The following LIN28B variants were observed in gnomAD, a reference collection of about 807,000 sequenced individuals.
The protein encoded by LIN28B is lin-28 RNA binding posttranscriptional regulator B, also known as protein lin-28 homolog B.
A neutral mutation model predicts 21.9 loss-of-function variants in LIN28B; 5 were observed. That is an observed-to-expected ratio of 0.23 (90% CI 0.12 to 0.48). The LOEUF (loss-of-function observed/expected upper bound fraction) is 0.48. Among genes scored for constraint, LIN28B ranks in the 20% least tolerant of loss-of-function variants. LIN28B has a pLI of 0.98. For missense variants in LIN28B, 245 were observed against 310.5 expected, an observed-to-expected ratio of 0.79 and a Z score of 1.58; for synonymous variants, 109 against 111.3, an observed-to-expected ratio of 0.98 and a Z score of 0.13.
intron 2 of LIN28B, among the ~76,000 whole-genome samples, chr6:105,007,170 T>C (rs144351705): frequency 5.9e-5 from 9 of 152,362 alleles, no homozygotes; most frequent in African/African-American, 1.9e-4. Flanking sequence ...TAAGTAAATA[T>C]ACTGTTAATG....
chr6:104,939,012 TTAAA>T (rs796561449), intron 2 of LIN28B, among the ~76,000 whole-genome samples: 26 of 152,276 alleles, frequency 1.7e-4, no homozygotes, highest in African/African-American at 6.3e-4. Context: ...TACATCACAC[TTAAA>T]TGCTGAAAGG....
At chr6:104,949,744 A>T (rs953443960) in intron 2 of LIN28B, among the ~76,000 whole-genome samples, 2 of 152,106 alleles carry the variant, frequency 1.3e-5, no homozygotes, top group Non-Finnish European at 2.9e-5. Flanking sequence ...TCTTCCAATC[A>T]CTATACTTGA....
At chr6:104,986,858 C>G (rs1390528121) in intron 2 of LIN28B, among the ~76,000 whole-genome samples, 1 of 152,202 alleles carries the variant, frequency 6.6e-6, no homozygotes, top group Non-Finnish European at 1.5e-5. Flanking sequence ...GCCTACTACC[C>G]TCATTTACAA....
At chr6:104,979,607 G>A in intron 2 of LIN28B, among the ~76,000 whole-genome samples, 1 of 151,236 alleles carries the variant, frequency 6.6e-6, no homozygotes, top group East Asian at 1.9e-4. Flanking sequence ...AAAAAAAGCT[G>A]TTTCTGAATC....
intron 2 of LIN28B, among the ~76,000 whole-genome samples, chr6:105,000,243 T>TA (rs1345328069): frequency 2.6e-5 from 4 of 152,040 alleles, no homozygotes; most frequent in Admixed American, 2.6e-4. Context: ...GAGCCATGTT[T>TA]AAAAAAACAG....
chr6:104,992,877 T>G, intron 2 of LIN28B, among the ~76,000 whole-genome samples: 1 of 152,130 alleles, frequency 6.6e-6, no homozygotes, highest in Non-Finnish European at 1.5e-5. Flanking sequence ...TCAAAATTTT[T>G]TTTAGTGGTG....
chr6:104,975,488 CTGGT>C (rs2114596900), intron 2 of LIN28B, among the ~76,000 whole-genome samples: 1 of 152,274 alleles, frequency 6.6e-6, no homozygotes, highest in East Asian at 1.9e-4. Flanking sequence ...TCCAAAGCCA[CTGGT>C]TTAACTTCTC....
chr6:104,949,343 G>A (rs1369452138), intron 2 of LIN28B, among the ~76,000 whole-genome samples: 3 of 152,158 alleles, frequency 2.0e-5, no homozygotes. Flanking sequence ...TCTTTTGGTT[G>A]TAAACACAGG....
Position 105,079,946 on chromosome 6 carries a change from G to A in LIN28B, c.*1163G>A, listed in dbSNP as rs956362507. The A allele has an allele frequency of 2.0e-5, 3 of 152,212 alleles. No individual in the cohort carries two copies. The highest frequency in any genetic ancestry group is 4.4e-5 in the Non-Finnish European group (3 of 68,052). The allele number at this position is 152,212 out of a possible 1,614,324, so 9.4% of individuals were successfully genotyped here. A position where few individuals can be genotyped will look rare whatever the true frequency, so the allele number is the denominator to read the frequency against. Reference sequence around the variant, plus strand: ...TGACCTGCAAATGATACGAAAAAGTGCAGCATTTAGTGGCAGTTAACAAGA... The same window carrying A: ...TGACCTGCAAATGATACGAAAAAGTACAGCATTTAGTGGCAGTTAACAAGA... On this transcript the variant is annotated 3_prime_UTR_variant, in exon 4 of 4. Coordinates refer to ENST00000345080, the MANE Select transcript of LIN28B (RefSeq NM_001004317.4).
At chr6:104,971,578 TTAAG>T (rs1183197540) in intron 2 of LIN28B, among the ~76,000 whole-genome samples, 2 of 152,172 alleles carry the variant, frequency 1.3e-5, no homozygotes, top group African/African-American at 2.4e-5. Context: ...GAAAGGCTAC[TTAAG>T]TTTCTGTTGA....
intron 3 of LIN28B, among the ~76,000 whole-genome samples, chr6:105,050,341 G>C (rs914526847): frequency 6.6e-6 from 1 of 152,072 alleles, no homozygotes; most frequent in Non-Finnish European, 1.5e-5. Context: ...GGTGGCTCAC[G>C]CCTGTAATCC....
At chr6:104,955,770 TGGG>T (rs773827484), upstream of LIN28B, among the ~76,000 whole-genome samples, 2 of 138,054 alleles carry the variant, frequency 1.4e-5, no homozygotes, top group Non-Finnish European at 3.1e-5. Flanking sequence ...TTTAAGAAAA[TGGG>T]GGGTGGGGTA....
chr6:105,013,996 A>G (rs978424117), intron 2 of LIN28B, among the ~76,000 whole-genome samples: 4 of 152,116 alleles, frequency 2.6e-5, no homozygotes, highest in Admixed American at 2.0e-4. Flanking sequence ...TGTTGAAAGC[A>G]CTGACTTTTA....
chr6:105,054,241 C>T (rs1412400333), intron 3 of LIN28B, among the ~76,000 whole-genome samples: 1 of 152,136 alleles, frequency 6.6e-6, no homozygotes, highest in African/African-American at 2.4e-5. Flanking sequence ...ATTTTGCTCT[C>T]AGTTTTCTGT....
At chr6:104,941,340 C>G (rs891800812) in intron 2 of LIN28B, 1 of 151,528 alleles carries the variant, frequency 6.6e-6, no homozygotes, top group African/African-American at 2.4e-5. Flanking sequence ...TCTCCCCGCT[C>G]GGTGCTGCTG....
intron 2 of LIN28B, among the ~76,000 whole-genome samples, chr6:104,976,512 C>T (rs949787882): frequency 5.3e-5 from 8 of 152,166 alleles, no homozygotes; most frequent in Admixed American, 1.3e-4. Context: ...CAGTAATATC[C>T]AGTCTCTGTC....
intron 2 of LIN28B, among the ~76,000 whole-genome samples, chr6:105,006,499 A>G (rs1189876081): frequency 6.6e-6 from 1 of 152,054 alleles, no homozygotes; most frequent in Non-Finnish European, 1.5e-5. Context: ...TTTAGTAGAG[A>G]TGGGATTTCA....
intron 2 of LIN28B, among the ~76,000 whole-genome samples, chr6:104,981,815 G>C (rs1423970883): frequency 1.3e-5 from 2 of 152,132 alleles, no homozygotes; most frequent in Non-Finnish European, 2.9e-5. Context: ...TTTAAATATG[G>C]CAAGCATCTT....
At chr6:105,033,432 CT>C (rs765846310) in intron 3 of LIN28B, among the ~76,000 whole-genome samples, 18 of 151,976 alleles carry the variant, frequency 1.2e-4, no homozygotes, top group African/African-American at 4.3e-4. Context: ...GAAGATTCCA[CT>C]TTAATTATTA....
Sources: gnomAD v4.1 joint callset for allele counts (sites outside exome capture counted in the v4.1 genomes callset) on GRCh38, gnomAD v4.1.1 for gene constraint, MANE v1.5 for transcripts, NCBI Gene and HGNC (gene_info 2026-07-23, HGNC 2026-07-21) for gene names.